Variants in DPP6 observed in about 807,000 individuals in gnomAD.
DPP6 encodes A-type potassium channel modulatory protein DPP6.
Under a neutral mutation model 122.6 loss-of-function variants are expected in DPP6, and 69 were observed. The ratio of observed to expected loss-of-function variants is 0.56; its 90% CI spans 0.46 to 0.69. DPP6 has a LOEUF of 0.69. Ranked by LOEUF, DPP6 falls within the 30% of genes least tolerant of loss-of-function variation. The pLI, the probability that DPP6 is intolerant of heterozygous loss-of-function variation, is 0.00. For synonymous variants in DPP6, 418 were observed against 433.1 expected, an observed-to-expected ratio of 0.97 and a Z score of 0.43; for missense variants, 928 against 1,116.9, an observed-to-expected ratio of 0.83 and a Z score of 2.41.
intron 5 of DPP6, among the ~76,000 whole-genome samples, 167 bp from the exon 6 acceptor site, chr7:154,637,653 AG>A (rs1417750897): frequency 6.6e-6 from 1 of 152,244 alleles, no homozygotes; most frequent in African/African-American, 2.4e-5. Context: ...TAAAATAAAC[AG>A]GATATGCAAA....
intron 1 of DPP6, among the ~76,000 whole-genome samples, chr7:154,399,973 C>CT (rs1354414197): frequency 2.0e-5 from 3 of 152,102 alleles, no homozygotes; most frequent in African/African-American, 7.2e-5. Flanking sequence ...GCCGAGAAGT[C>CT]TAGGTGTGTT....
At chr7:154,029,383 G>A (rs1439576665) in intron 1 of DPP6, among the ~76,000 whole-genome samples, 1 of 151,796 alleles carries the variant, frequency 6.6e-6, no homozygotes, top group East Asian at 1.9e-4. Flanking sequence ...TGGGCGCGGT[G>A]GCGGGCGCCT....
intron 7 of DPP6, among the ~76,000 whole-genome samples, chr7:154,706,214 C>T (rs1840821132): frequency 6.6e-6 from 1 of 152,162 alleles, no homozygotes; most frequent in African/African-American, 2.4e-5. Flanking sequence ...TGCCTTGGCC[C>T]AGCTGCTGTG....
At chr7:154,445,416 T>C (rs1819777323) in intron 1 of DPP6, among the ~76,000 whole-genome samples, 2 of 152,196 alleles carry the variant, frequency 1.3e-5, no homozygotes, top group African/African-American at 4.8e-5. Context: ...AGTTATATGA[T>C]TCCTCTAATT....
intron 1 of DPP6, among the ~76,000 whole-genome samples, chr7:154,064,747 CAG>C (rs775946861): frequency 2.6e-5 from 4 of 152,182 alleles, no homozygotes; most frequent in Non-Finnish European, 4.4e-5. Context: ...GAGAGGAAGA[CAG>C]AGGCATGCTC....
chr7:153,987,014 CGGTTT>C (rs1428456588), intron 1 of DPP6, among the ~76,000 whole-genome samples: 1 of 152,124 alleles, frequency 6.6e-6, no homozygotes, highest in Non-Finnish European at 1.5e-5. Flanking sequence ...AAGGTTAGTT[CGGTTT>C]GGTTTGAATT....
rs563399138 is a variant in DPP6, at chr7:154,824,985, G to A, written c.1666+17873G>A. Among the ~76,000 whole-genome samples, 3 of 152,338 alleles carry A rather than the reference G, an allele frequency of 2.0e-5. No homozygotes were observed. The South Asian group carries it at 6.2e-4, about 32-fold the overall frequency. ...CAGTTCTTCCAGTATTTCAGCAGAAGTACTAAATCCATATTTCCATATAAA... is the reference window on the plus strand; with the variant it reads ...CAGTTCTTCCAGTATTTCAGCAGAAATACTAAATCCATATTTCCATATAAA... On this transcript the variant is annotated intron_variant, in intron 16 of 25. Coordinates refer to ENST00000377770, the MANE Select transcript of DPP6 (RefSeq NM_130797.4).
In DPP6 at chr7:154,868,205, G is replaced by A. The variant is rs879526495; in HGVS notation, c.1813+112G>A. 18 of 1,385,384 alleles carry A rather than the reference G, an allele frequency of 1.3e-5. No homozygotes were observed. The Admixed American group carries it at 4.0e-4, about 31-fold the overall frequency. The allele number at this position is 1,385,384 out of a possible 1,614,324, so 85.8% of individuals were successfully genotyped here. On this transcript the variant is annotated intron_variant, in intron 18 of 25. Transcript: ENST00000377770. ...TGCAAGGAAGACTCCCCAAGCACGG[G>A]GGTGTATCTTTGCCCCTCAGCTCCT...
the DPP6 span, among the ~76,000 whole-genome samples, chr7:153,811,390 C>A: frequency 3.3e-5 from 5 of 152,076 alleles, no homozygotes; most frequent in Admixed American, 3.3e-4. Context: ...ATTAGAGAAC[C>A]AAGGCAGCCC....
chr7:154,204,257 A>C (rs770996667), intron 1 of DPP6, among the ~76,000 whole-genome samples: 2 of 152,212 alleles, frequency 1.3e-5, no homozygotes, highest in Admixed American at 6.5e-5. Flanking sequence ...AGTTGAACAG[A>C]GATTGCTTCA....
At chr7:153,834,595 C>T in the DPP6 span, among the ~76,000 whole-genome samples, 1 of 152,178 alleles carries the variant, frequency 6.6e-6, no homozygotes, top group African/African-American at 2.4e-5. Context: ...TTTTGGTTTA[C>T]ATAGAATTTC....
chr7:154,129,974 G>T (rs1043571951), intron 1 of DPP6, among the ~76,000 whole-genome samples: 6 of 151,986 alleles, frequency 3.9e-5, no homozygotes, highest in African/African-American at 1.4e-4. Flanking sequence ...TACTCAGGAG[G>T]CGGAGGCTGG....
intron 5 of DPP6, among the ~76,000 whole-genome samples, chr7:154,592,398 G>A (rs1228711161): frequency 6.6e-6 from 1 of 152,208 alleles, no homozygotes; most frequent in Non-Finnish European, 1.5e-5. Flanking sequence ...CGTTTATCCA[G>A]TGCTGACTTA....
intron 4 of DPP6, among the ~76,000 whole-genome samples, chr7:154,566,615 G>C (rs78919430): frequency 6.6e-6 from 1 of 151,924 alleles, no homozygotes; most frequent in African/African-American, 2.4e-5. Flanking sequence ...ATATTGGCTT[G>C]TCTCAGTAAG....
At chr7:153,836,877 A>C in the DPP6 span, among the ~76,000 whole-genome samples, 16 of 152,212 alleles carry the variant, frequency 1.1e-4, no homozygotes, top group Admixed American at 9.2e-4. Context: ...ATTACTCCCC[A>C]GGTTCAGATA....
chr7:154,541,297 A>ATTGTTT (rs540346378), intron 4 of DPP6, among the ~76,000 whole-genome samples: 85 of 151,970 alleles, frequency 5.6e-4, no homozygotes, highest in Non-Finnish European at 9.6e-4. Context: ...TGCCCAGCTA[A>ATTGTTT]TTGTTTTTGT....
intron 6 of DPP6, among the ~76,000 whole-genome samples, chr7:154,660,658 G>T (rs1418628066): frequency 1.5e-5 from 2 of 130,146 alleles, no homozygotes; most frequent in African/African-American, 6.5e-5. Context: ...TCACCATGGC[G>T]TATTGGCCGT....
At chr7:154,776,876 T>C (rs1306764536) in intron 10 of DPP6, among the ~76,000 whole-genome samples, 6 of 152,158 alleles carry the variant, frequency 3.9e-5, no homozygotes, top group African/African-American at 7.2e-5. Flanking sequence ...CCTGAGCACC[T>C]AGGAAGGGAG....
intron 3 of DPP6, among the ~76,000 whole-genome samples, chr7:154,480,402 A>G (rs1823157946): frequency 6.6e-6 from 1 of 152,206 alleles, no homozygotes; most frequent in Non-Finnish European, 1.5e-5. Context: ...GATGACCTCC[A>G]GGTTGCTAAA....
Sources: gnomAD v4.1 joint callset for allele counts (sites outside exome capture counted in the v4.1 genomes callset) on GRCh38, gnomAD v4.1.1 for gene constraint, MANE v1.5 for transcripts, NCBI Gene and HGNC (gene_info 2026-07-23, HGNC 2026-07-21) for gene names.